The following COL25A1 variants were observed in gnomAD, a reference collection of about 807,000 sequenced individuals.
The protein encoded by COL25A1 is collagen alpha-1(XXV) chain.
A neutral mutation model predicts 128.4 loss-of-function variants in COL25A1; 103 were observed. The ratio of observed to expected loss-of-function variants is 0.80; its 90% confidence interval spans 0.68 to 0.94. COL25A1 has a LOEUF of 0.94. Ranked by LOEUF, COL25A1 falls within the 40% of genes least tolerant of loss-of-function variation. COL25A1 has a pLI of 0.00. For synonymous variants in COL25A1, 279 were observed against 277.2 expected (o/e 1.01, Z -0.06); for missense variants, 745 against 840.0 (o/e 0.89, Z 1.40).
chr4:109,047,119 G>T (rs1177353427), intron 5 of COL25A1, among the ~76,000 whole-genome samples: 1 of 152,192 alleles, frequency 6.6e-6, no homozygotes, highest in Admixed American at 6.5e-5. Flanking sequence ...TTCAAAGGGA[G>T]TGTTGCCTAA....
chr4:108,849,753 G>A (rs983915924), intron 26 of COL25A1, among the ~76,000 whole-genome samples: 9 of 152,124 alleles, frequency 5.9e-5, no homozygotes, highest in South Asian at 2.1e-4. Flanking sequence ...GATTTCCAAC[G>A]GAGCTGACCT....
chr4:108,942,555 T>G (rs1442464006), intron 8 of COL25A1, among the ~76,000 whole-genome samples: 9 of 152,040 alleles, frequency 5.9e-5, no homozygotes, highest in Non-Finnish European at 1.5e-5. Flanking sequence ...GCAATTCTCC[T>G]GCCTCAGCCT....
At position 109,094,449 on chromosome 4, in the gene COL25A1, C is replaced by T. The variant is rs559512288; in HGVS notation, c.368-44270G>A. Among the ~76,000 whole-genome samples the T allele has an allele frequency of 2.4e-4, 37 of 152,048 alleles. No homozygotes were observed. The South Asian group carries it at 6.0e-3, about 25-fold the overall frequency. ...TTGAACATTCAAGTTCACTGTGTACCGTAATACTTTTTAACTTTCCTTTCT... is the reference window on the plus strand; with the variant it reads ...TTGAACATTCAAGTTCACTGTGTACTGTAATACTTTTTAACTTTCCTTTCT... On this transcript the variant is annotated intron_variant, in intron 3 of 37. Transcript: ENST00000399132.
chr4:108,853,141 T>C (rs1735995663), intron 24 of COL25A1, among the ~76,000 whole-genome samples: 1 of 152,148 alleles, frequency 6.6e-6, no homozygotes, highest in African/African-American at 2.4e-5. Flanking sequence ...ATTTAAAAAA[T>C]CTATGGCTGA....
chr4:108,975,861 T>C (rs1300519346), intron 6 of COL25A1, among the ~76,000 whole-genome samples: 1 of 152,182 alleles, frequency 6.6e-6, no homozygotes, highest in Non-Finnish European at 1.5e-5. Flanking sequence ...ATTGTCCTGT[T>C]GATTTGCTAG....
intron 3 of COL25A1, among the ~76,000 whole-genome samples, chr4:109,126,932 C>A (rs1768679913): frequency 6.6e-6 from 1 of 151,094 alleles, no homozygotes; most frequent in Admixed American, 6.6e-5. Context: ...AAAAAAGAAA[C>A]GTCTCTCTTT....
At position 108,809,811 on chromosome 4, in the gene COL25A1, T is replaced by C. The variant is rs1007546657; in HGVS notation, c.*4116A>G. On this transcript the variant is annotated 3_prime_UTR_variant, in exon 38 of 38. Coordinates refer to ENST00000399132, the MANE Select transcript of COL25A1 (RefSeq NM_198721.4). ...AGCCTAAAACAATTTAGCATAATCA[T>C]AATTGGTCAAGCTTGTTAATTCCAC... is the stretch of plus-strand genomic sequence containing the variant. The C allele has an allele frequency of 2.0e-5, 3 of 151,988 alleles. No individual in the cohort carries two copies. Among genetic ancestry groups the C allele is most frequent in the African/African-American group, 7.2e-5 (3 of 41,446 alleles). 9.4% of individuals were successfully genotyped at this position (151,988 alleles called of 1,614,324 possible). A position where few individuals can be genotyped will look rare whatever the true frequency, so the allele number is the denominator to read the frequency against.
chr4:108,814,679 C>G (rs1467172536), intron 37 of COL25A1, among the ~76,000 whole-genome samples: 1 of 152,182 alleles, frequency 6.6e-6, no homozygotes, highest in East Asian at 1.9e-4. Flanking sequence ...TATACACTTA[C>G]AAAGCAGATC....
chr4:109,254,505 A>ATATATATATATATATATG lies in COL25A1; in HGVS notation c.367+46077_367+46078insCATATATATATATATATA, dbSNP rs1383703429. On this transcript the variant is annotated intron_variant, in intron 3 of 37. Transcript: ENST00000399132. Reference sequence around the variant, plus strand: ...TATATATATATATATATATATATATATGTATGTGTGTATATACATATACAT... The same window carrying ATATATATATATATATATG: ...TATATATATATATATATATATATATATATATATATATATATATGTGTATGTGTGTATATACATATACAT... Among the ~76,000 whole-genome samples the ATATATATATATATATATG allele has an allele frequency of 5.5e-3, 580 of 104,810 alleles. 22 individuals carry two copies. The highest frequency in any genetic ancestry group is 0.019 in the Middle Eastern group (3 of 160). 68.8% of individuals were successfully genotyped at this position (104,810 alleles called of 152,430 possible). A position where few individuals can be genotyped will look rare whatever the true frequency, so the allele number is the denominator to read the frequency against.
chr4:109,053,975 G>A (rs906660404), intron 3 of COL25A1, among the ~76,000 whole-genome samples: 3 of 152,162 alleles, frequency 2.0e-5, no homozygotes, highest in Admixed American at 6.5e-5. Context: ...TAGGGAGAAG[G>A]TGGCTATCTC....
At chr4:109,019,933 T>C (rs1441484126) in intron 5 of COL25A1, among the ~76,000 whole-genome samples, 1 of 152,212 alleles carries the variant, frequency 6.6e-6, no homozygotes, top group Non-Finnish European at 1.5e-5. Context: ...TCCAATTAAC[T>C]TGAAAATATT....
chr4:109,043,196 G>C (rs775176747), intron 5 of COL25A1, among the ~76,000 whole-genome samples: 1 of 152,030 alleles, frequency 6.6e-6, no homozygotes, highest in Non-Finnish European at 1.5e-5. Context: ...ACACATGGTA[G>C]GTAGCTGCTA....
At chr4:108,872,894 TC>T (rs1171771665) in intron 19 of COL25A1, among the ~76,000 whole-genome samples, 1 of 152,066 alleles carries the variant, frequency 6.6e-6, no homozygotes, top group Non-Finnish European at 1.5e-5. Flanking sequence ...CTTTTTTTTT[TC>T]TTTTGTTTTT....
chr4:108,999,837 A>T (rs1755173446), intron 6 of COL25A1, among the ~76,000 whole-genome samples: 1 of 152,148 alleles, frequency 6.6e-6, no homozygotes, highest in South Asian at 2.1e-4. Flanking sequence ...GAAGCTGGAA[A>T]CCATCATTCT....
chr4:108,845,224 C>T lies in COL25A1; in HGVS notation c.1543G>A (p.Gly515Arg). The T allele has an allele frequency of 1.9e-6, 3 of 1,613,910 alleles. No homozygotes were observed. The highest frequency in any genetic ancestry group is 2.5e-6 in the Non-Finnish European group (3 of 1,179,812). ...TGTGGACCCGGCATTCCAGAATCTCCTTTTTCTCCTTTCATTCCATTGGCT... is the reference window on the plus strand; with the variant it reads ...TGTGGACCCGGCATTCCAGAATCTCTTTTTTCTCCTTTCATTCCATTGGCT... ...PGANGMKGEK[G>R]DSGMPGPQGP... is the part of the protein sequence containing the mutation. Residue 515 changes from glycine to arginine, a missense_variant, in exon 29 of 38, where the codon GGA (glycine) becomes AGA (arginine). Coordinates refer to ENST00000399132, the MANE Select transcript of COL25A1 (RefSeq NM_198721.4).
At chr4:109,007,361 C>T (rs1183360253) in intron 6 of COL25A1, among the ~76,000 whole-genome samples, 1 of 152,126 alleles carries the variant, frequency 6.6e-6, no homozygotes, top group Non-Finnish European at 1.5e-5. Flanking sequence ...ATGGAAGTAT[C>T]ATAAATATGA....
At chr4:109,044,220 A>G (rs1197318986) in intron 5 of COL25A1, among the ~76,000 whole-genome samples, 1 of 152,074 alleles carries the variant, frequency 6.6e-6, no homozygotes, top group Non-Finnish European at 1.5e-5. Flanking sequence ...TTCAAGTTGT[A>G]TTTCAAGTTT....
chr4:109,195,237 T>C (rs1459873142), intron 3 of COL25A1, among the ~76,000 whole-genome samples: 3 of 152,206 alleles, frequency 2.0e-5, no homozygotes, highest in Non-Finnish European at 2.9e-5. Context: ...GAGAAGCACA[T>C]TGAGCACAGT....
chr4:109,008,843 C>T (rs371827468), intron 6 of COL25A1, among the ~76,000 whole-genome samples: 3 of 152,220 alleles, frequency 2.0e-5, no homozygotes, highest in South Asian at 2.1e-4. Context: ...AAGCTGAGTA[C>T]GGTGGCTTAT....
Sources: allele counts gnomAD v4.1 joint callset (sites outside exome capture counted in the v4.1 genomes callset), GRCh38; gene constraint gnomAD v4.1.1; transcripts MANE v1.5; gene names NCBI Gene and HGNC (gene_info 2026-07-23, HGNC 2026-07-21).